The following ENPP3 variants were observed in gnomAD, a reference collection of about 807,000 sequenced individuals.
The protein encoded by ENPP3 is ectonucleotide pyrophosphatase/phosphodiesterase 3, also known as ectonucleotide pyrophosphatase/phosphodiesterase family member 3.
In ENPP3, 104 loss-of-function variants were observed where a neutral mutation model predicts 117.8. The observed-to-expected ratio is 0.88, with a 90% CI of 0.75 to 1.04. The LOEUF (loss-of-function observed/expected upper bound fraction) is 1.04. ENPP3 is among the 50% of genes least tolerant of loss of function. The pLI is 0.00. For synonymous variants in ENPP3, 380 were observed against 349.9 expected (o/e 1.09, Z -0.96); for missense variants, 1,026 against 1,051.9 (o/e 0.98, Z 0.34).
intron 19 of ENPP3, among the ~76,000 whole-genome samples, chr6:131,724,566 C>T (rs1444684596): frequency 6.6e-6 from 1 of 152,154 alleles, no homozygotes; most frequent in African/African-American, 2.4e-5. Flanking sequence ...TTATTATTAC[C>T]TGTTATCTTT....
intron 15 of ENPP3, among the ~76,000 whole-genome samples, chr6:131,706,865 T>C (rs1215644766): frequency 6.6e-6 from 1 of 152,114 alleles, no homozygotes; most frequent in East Asian, 1.9e-4. Context: ...TCTTTATATA[T>C]ATATATGTAT....
chr6:131,740,493 G>A (rs1223469018), intron 24 of ENPP3, 113 bp downstream of exon 24: 3 of 715,224 alleles, frequency 4.2e-6, no homozygotes, highest in Non-Finnish European at 6.5e-6. Flanking sequence ...CATGGGAAAA[G>A]TTATAACACA....
At chr6:131,699,235 C>CAAAAAAAAAAAAAAAAAAAAAAAAA (rs4053087) in intron 15 of ENPP3, among the ~76,000 whole-genome samples, 2 of 107,976 alleles carry the variant, frequency 1.9e-5, no homozygotes, top group African/African-American at 3.9e-5. Context: ...AAGACTGTCT[C>CAAAAAAAAAAAAAAAAAAAAAAAAA]AAAAAAAAAA....
chr6:131,673,715 AGAC>A (rs1229645326), intron 7 of ENPP3, among the ~76,000 whole-genome samples: 93 of 152,202 alleles, frequency 6.1e-4, no homozygotes, highest in African/African-American at 2.1e-3. Context: ...ACAGACAGAC[AGAC>A]AGAAAGAAAG....
chr6:131,668,212 T>G (rs1399014608), intron 6 of ENPP3, among the ~76,000 whole-genome samples: 2 of 139,850 alleles, frequency 1.4e-5, no homozygotes, highest in African/African-American at 2.7e-5. Flanking sequence ...CTGCGTTTTT[T>G]TTTTTTTTTT....
chr6:131,732,034 C>G (rs1477246030), intron 20 of ENPP3, among the ~76,000 whole-genome samples: 2 of 152,222 alleles, frequency 1.3e-5, no homozygotes, highest in African/African-American at 2.4e-5. Context: ...GCTACAAAGA[C>G]AGCATACAGT....
At chr6:131,638,921 G>T (rs1274835610) in intron 1 of ENPP3, among the ~76,000 whole-genome samples, 1 of 151,496 alleles carries the variant, frequency 6.6e-6, no homozygotes, top group Admixed American at 6.6e-5. Flanking sequence ...TCAGCCTCTT[G>T]AGTAGCTGGG....
chr6:131,738,977 C>T (rs573477805), intron 23 of ENPP3, among the ~76,000 whole-genome samples: 5 of 152,126 alleles, frequency 3.3e-5, no homozygotes, highest in Non-Finnish European at 7.4e-5. Context: ...CTCTACCTTT[C>T]ACAATTTATT....
chr6:131,744,777 T>A (rs1392408068), intron 24 of ENPP3, among the ~76,000 whole-genome samples: 1 of 151,572 alleles, frequency 6.6e-6, no homozygotes, highest in Non-Finnish European at 1.5e-5. Flanking sequence ...TATACAATAC[T>A]CTTAATTCTG....
chr6:131,746,925 C>T lies in ENPP3; in HGVS notation c.2597C>T (p.Thr866Ile). 1 of 1,606,468 alleles carries T rather than the reference C, an allele frequency of 6.2e-7. No homozygotes were observed. Among genetic ancestry groups the T allele is most frequent in the East Asian group, 2.2e-5 (1 of 44,696 alleles). The change falls in exon 25 of 25, where the codon ACA becomes ATA. Residue 866 changes from threonine (T) to isoleucine (I), a missense_variant. Thr to Ile is a moderately conservative substitution (Grantham distance 89, BLOSUM62 -1). Coordinates refer to ENST00000357639, the MANE Select transcript of ENPP3 (RefSeq NM_005021.5). ...QPVSEILQLK[T>I]YLPTFETTI ...GTCTCTGAAATTTTGCAACTAAAGACATATTTACCAACATTTGAAACCACT... is the reference window on the plus strand; with the variant it reads ...GTCTCTGAAATTTTGCAACTAAAGATATATTTACCAACATTTGAAACCACT...
Position 131,637,430 on chromosome 6 carries a change from A to T in ENPP3, c.46A>T (p.Asn16Tyr). The change falls in exon 1 of 25, where the codon AAC becomes TAC. Residue 16 changes from asparagine to tyrosine, a missense_variant. Transcript: ENST00000357639. ...AGCAACGGAACAACCTGTTAAGAAG[A>T]ACACTCTTAAGAAATATAAAATAGC... ...TLATEQPVKK[N>Y]TLKKYKIACI... 6.3e-7 allele frequency: 1 copy of T among 1,592,944 alleles called. No homozygotes were observed. Among genetic ancestry groups the T allele is most frequent in the African/African-American group, 1.3e-5 (1 of 74,170 alleles).
rs150778536 is a variant in ENPP3 at position 131,696,070 on chromosome 6, A to G, written c.1412+2446A>G. On this transcript the variant is annotated intron_variant, in intron 15 of 24. Transcript: ENST00000357639. Reference sequence around the variant, plus strand: ...AATTAGGTTAGGTCCCCTTTGTACAATTAAAGCAAATTTCAACAGTTTGTA... The same window carrying G: ...AATTAGGTTAGGTCCCCTTTGTACAGTTAAAGCAAATTTCAACAGTTTGTA... Among the ~76,000 whole-genome samples, 117 of 152,358 alleles carry G rather than the reference A, an allele frequency of 7.7e-4. No individual in the cohort carries two copies. In the East Asian group the frequency reaches 0.02, roughly 26 times the overall value.
In ENPP3 at chr6:131,650,034, C is replaced by T. The variant is rs548946134; in HGVS notation, c.162C>T (p.Cys54=). The change falls in exon 3 of 25, where the codon TGC becomes TGT. Residue 54 remains cysteine, a synonymous_variant. Transcript: ENST00000357639. ...ATTTCCTTTACTTTGTAGGCAGCTG[C>T]AGGAAGAAGTGCTTTGATGCATCAT... ...GLRKLEKQGS[C]RKKCFDASFR... is the part of the protein sequence containing the mutation. The T allele has an allele frequency of 1.5e-5, 25 of 1,613,816 alleles. No homozygotes were observed. In the South Asian group the frequency reaches 2.3e-4, roughly 15 times the overall value.
At chr6:131,717,346 CGG>C (rs1183549477) in intron 15 of ENPP3, among the ~76,000 whole-genome samples, 2,246 of 91,062 alleles carry the variant, frequency 0.025, 92 homozygotes, top group African/African-American at 0.072. Flanking sequence ...AGAAACCCTG[CGG>C]GGGGTGTGTG....
intron 2 of ENPP3, among the ~76,000 whole-genome samples, chr6:131,647,870 C>CT (rs1778182435): frequency 6.6e-6 from 1 of 152,030 alleles, no homozygotes; most frequent in Admixed American, 6.6e-5. Context: ...CGTATAATAG[C>CT]TATCATGTTT....
intron 2 of ENPP3, 106 bp downstream of exon 2, chr6:131,641,636 C>A: frequency 1.5e-6 from 1 of 683,516 alleles, no homozygotes; most frequent in Non-Finnish European, 2.6e-6. Context: ...GTCCTCCATG[C>A]AGCATTCTGC....
chr6:131,717,230 T>C (rs1779910890), intron 15 of ENPP3, among the ~76,000 whole-genome samples: 1 of 152,200 alleles, frequency 6.6e-6, no homozygotes, highest in African/African-American at 2.4e-5. Context: ...TTTTATTTTC[T>C]ATTTAAACTG....
chr6:131,685,671 A>C (rs1192947313), intron 13 of ENPP3, among the ~76,000 whole-genome samples, 176 bp downstream of exon 13: 2 of 152,182 alleles, frequency 1.3e-5, no homozygotes, highest in Non-Finnish European at 2.9e-5. Context: ...AGTCTATGGT[A>C]ATATCTAATA....
At position 131,747,053 on chromosome 6, in the gene ENPP3, T is replaced by A. The variant is rs535095304; in HGVS notation, c.*97T>A. On this transcript the variant is annotated 3_prime_UTR_variant, in exon 25 of 25. Coordinates refer to ENST00000357639, the MANE Select transcript of ENPP3 (RefSeq NM_005021.5). ...TGGAGAATTGTAAAATAAAGTTTTC[T>A]ATTTTTCCTTAAGTCCCCTAAAAGC... 6 of 621,694 alleles carry A rather than the reference T, an allele frequency of 9.7e-6. No individual in the cohort carries two copies. The highest frequency in any genetic ancestry group is 1.5e-5 in the Non-Finnish European group (6 of 396,008). The allele number at this position is 621,694 out of a possible 1,614,324, so 38.5% of individuals were successfully genotyped here.
Sources: gnomAD v4.1 joint callset for allele counts (sites outside exome capture counted in the v4.1 genomes callset) on GRCh38, gnomAD v4.1.1 for gene constraint, MANE v1.5 for transcripts, NCBI Gene and HGNC (gene_info 2026-07-23, HGNC 2026-07-21) for gene names.